The following CLEC2A variants were observed in gnomAD, a reference collection of about 807,000 sequenced individuals.
The protein encoded by CLEC2A is keratinocyte-associated C-type lectin.
CLEC2A carries 19 observed loss-of-function variants against 18.6 expected under a neutral mutation model. That is an observed-to-expected ratio of 1.02 (90% CI 0.71 to 1.50). CLEC2A has a LOEUF of 1.50. CLEC2A is among the 40% of genes most tolerant of loss of function. The probability of loss-of-function intolerance (pLI) is 0.00; values close to 1 mark genes in which losing one functional copy is unlikely to be tolerated. For missense variants in CLEC2A, 190 were observed against 207.9 expected (o/e 0.91, Z 0.53); for synonymous variants, 74 against 64.0 (o/e 1.16, Z -0.75).
At chr12:9,927,363 T>C (rs1863291802) in intron 1 of CLEC2A, among the ~76,000 whole-genome samples, 1 of 152,202 alleles carries the variant, frequency 6.6e-6, no homozygotes, top group Admixed American at 6.5e-5. Flanking sequence ...TTCATTGTAA[T>C]CTTATGGGAC....
At chr12:9,928,473 A>AAAAGAAAGAAAGAAAGAAGAAGG (rs1863315366) in intron 1 of CLEC2A, among the ~76,000 whole-genome samples, 3 of 152,252 alleles carry the variant, frequency 2.0e-5, no homozygotes, top group African/African-American at 7.2e-5. Flanking sequence ...TTAAAAAAGA[A>AAAAGAAAGAAAGAAAGAAGAAGG]AAAGAAAGAA....
chr12:9,893,420 C>A, the CLEC2A span: 1 of 1,240,554 alleles, frequency 8.1e-7, no homozygotes, highest in Non-Finnish European at 1.1e-6. Flanking sequence ...TGCACTATTT[C>A]TTCTGCAGGA....
At chr12:9,880,423 G>A in the CLEC2A span, among the ~76,000 whole-genome samples, 11 of 152,268 alleles carry the variant, frequency 7.2e-5, no homozygotes, top group African/African-American at 2.6e-4. Context: ...AACACAACAT[G>A]TGCTGTGGGA....
chr12:9,884,858 T>C, the CLEC2A span: 1 of 468,006 alleles, frequency 2.1e-6, no homozygotes, highest in Non-Finnish European at 3.7e-6. Flanking sequence ...ACATGAGTTG[T>C]CTCTGTAATA....
intron 3 of CLEC2A, among the ~76,000 whole-genome samples, chr12:9,917,665 T>A (rs1288565122): frequency 6.6e-6 from 1 of 152,242 alleles, no homozygotes; most frequent in Non-Finnish European, 1.5e-5. Flanking sequence ...TGGTTTTAGC[T>A]CTTTGAGGAA....
At chr12:9,881,275 G>T in the CLEC2A span, among the ~76,000 whole-genome samples, 1 of 152,064 alleles carries the variant, frequency 6.6e-6, no homozygotes, top group Non-Finnish European at 1.5e-5. Context: ...ATGAAGGAAG[G>T]AATTATGTTT....
chr12:9,928,792 G>A (rs79456247), intron 1 of CLEC2A, among the ~76,000 whole-genome samples: 2,124 of 152,228 alleles, frequency 0.014, 50 homozygotes, highest in African/African-American at 0.049. Flanking sequence ...AAACCACAAT[G>A]GAATATGACT....
At chr12:9,890,748 A>C in the CLEC2A span, among the ~76,000 whole-genome samples, 2,655 of 152,280 alleles carry the variant, frequency 0.017, 83 homozygotes, top group African/African-American at 0.06. Context: ...CTTGCTGTCT[A>C]ACATAACCTA....
At chr12:9,900,421 TA>T (rs928652570) in intron 4 of CLEC2A, among the ~76,000 whole-genome samples, 316 of 150,038 alleles carry the variant, frequency 2.1e-3, no homozygotes, top group African/African-American at 6.1e-3. Flanking sequence ...TCATTTTTGT[TA>T]AAAAAAAAAT....
intron 4 of CLEC2A, among the ~76,000 whole-genome samples, chr12:9,900,457 A>G (rs1461800443): frequency 6.6e-6 from 1 of 152,162 alleles, no homozygotes; most frequent in East Asian, 1.9e-4. Context: ...GTTTTTTCCA[A>G]AATAGACTTT....
At chr12:9,889,946 T>C in the CLEC2A span, among the ~76,000 whole-genome samples, 1 of 152,080 alleles carries the variant, frequency 6.6e-6, no homozygotes. Context: ...TTATTTTTTA[T>C]TATATACTTA....
chr12:9,906,541 G>A (rs1029169367), intron 4 of CLEC2A, among the ~76,000 whole-genome samples: 2 of 152,144 alleles, frequency 1.3e-5, no homozygotes, highest in African/African-American at 4.8e-5. Flanking sequence ...AAATCTTCCC[G>A]AAGGTATGAG....
rs79218371 is a variant in CLEC2A at position 9,899,060 on chromosome 12, G to A, written c.411-84C>T. The A allele has an allele frequency of 4.1e-3, 2,698 of 655,746 alleles. 55 individuals carry two copies. Among genetic ancestry groups the A allele is most frequent in the African/African-American group, 0.04 (2,239 of 56,288 alleles). The allele number at this position is 655,746 out of a possible 1,614,324, so 40.6% of individuals were successfully genotyped here. On this transcript the variant is annotated intron_variant, in intron 4 of 4. Coordinates refer to the CLEC2A transcript ENST00000339766. ...ACAAGGGGAGGAGTAAGAATGGCTCGAAAATTCCAAGGCCTTTTATCAGTT... is the reference window on the plus strand; with the variant it reads ...ACAAGGGGAGGAGTAAGAATGGCTCAAAAATTCCAAGGCCTTTTATCAGTT...
intron 3 of CLEC2A, among the ~76,000 whole-genome samples, chr12:9,920,949 G>A (rs1008613579): frequency 6.6e-6 from 1 of 152,124 alleles, no homozygotes; most frequent in African/African-American, 2.4e-5. Flanking sequence ...AATAATCTAA[G>A]AACATTTAAC....
intron 1 of CLEC2A, among the ~76,000 whole-genome samples, chr12:9,927,646 T>C (rs1863297443): frequency 6.6e-6 from 1 of 152,168 alleles, no homozygotes; most frequent in Admixed American, 6.5e-5. Flanking sequence ...GAATGAAAAC[T>C]TGAAAAAGTT....
chr12:9,890,206 A>T, the CLEC2A span, among the ~76,000 whole-genome samples: 15 of 152,178 alleles, frequency 9.9e-5, no homozygotes, highest in African/African-American at 3.6e-4. Flanking sequence ...TCACAATCTC[A>T]CTATAACTCC....
chr12:9,893,061 G>A, the CLEC2A span: 30 of 1,535,826 alleles, frequency 2.0e-5, no homozygotes, highest in Middle Eastern at 3.3e-4. Flanking sequence ...GTTGAACGAA[G>A]GGAAATGTTA....
the CLEC2A span, among the ~76,000 whole-genome samples, chr12:9,888,080 G>T: frequency 1.2e-5 from 1 of 85,972 alleles, no homozygotes. Flanking sequence ...AAAAAGTTAA[G>T]AATAGTAATA....
At chr12:9,908,200 G>A (rs918066295) in intron 4 of CLEC2A, among the ~76,000 whole-genome samples, 1 of 152,148 alleles carries the variant, frequency 6.6e-6, no homozygotes, top group Non-Finnish European at 1.5e-5. Context: ...AGGACTTGAG[G>A]TCTTCCTTGA....
Sources: allele counts gnomAD v4.1 joint callset (sites outside exome capture counted in the v4.1 genomes callset), GRCh38; gene constraint gnomAD v4.1.1; transcripts MANE v1.5; gene names NCBI Gene and HGNC (gene_info 2026-07-23, HGNC 2026-07-21).